Variants in CFAP221 observed in about 807,000 individuals in gnomAD.
The protein encoded by CFAP221 is cilia and flagella associated protein 221.
In CFAP221, 97 loss-of-function variants were observed where a neutral mutation model predicts 113.1. That is an observed-to-expected ratio of 0.86 (90% CI 0.73 to 1.02). The LOEUF (loss-of-function observed/expected upper bound fraction) is 1.02, where lower values mean the gene tolerates loss of function less well. Among genes scored for constraint, CFAP221 ranks in the 50% least tolerant of loss-of-function variants. The pLI is 0.00. For missense variants in CFAP221, 1,025 were observed against 1,013.4 expected, an observed-to-expected ratio of 1.01 and a Z score of -0.16; for synonymous variants, 331 against 354.4, an observed-to-expected ratio of 0.93 and a Z score of 0.74.
intron 22 of CFAP221, among the ~76,000 whole-genome samples, 161 bp from the exon 23 acceptor site, chr2:119,651,813 T>C (rs1688145367): frequency 6.6e-6 from 1 of 152,236 alleles, no homozygotes; most frequent in Non-Finnish European, 1.5e-5. Flanking sequence ...GACAGCAATT[T>C]ATCAGCCTTA....
intron 2 of CFAP221, among the ~76,000 whole-genome samples, chr2:119,548,834 T>C (rs116586247): frequency 0.018 from 2,690 of 152,292 alleles, 31 homozygotes; most frequent in Non-Finnish European, 0.025. Context: ...TTTTACTAGG[T>C]AACAGACAAT....
chr2:119,659,122 G>A (rs1386705959), downstream of CFAP221, among the ~76,000 whole-genome samples: 2 of 152,056 alleles, frequency 1.3e-5, no homozygotes, highest in African/African-American at 4.8e-5. Context: ...ACAGTGAGCA[G>A]CTTAGCTCCC....
intron 7 of CFAP221, among the ~76,000 whole-genome samples, chr2:119,590,449 G>A (rs1239964028): frequency 7.2e-5 from 11 of 152,216 alleles, no homozygotes; most frequent in Non-Finnish European, 1.6e-4. Context: ...TGAGCACAAG[G>A]ACACCAAGCG....
At chr2:119,652,132 G>A (rs1286806428) in intron 23 of CFAP221, 63 bp downstream of exon 23, 2 of 1,299,542 alleles carry the variant, frequency 1.5e-6, no homozygotes, top group Non-Finnish European at 2.2e-6. Flanking sequence ...TCTGCATAAA[G>A]TACAAAAGTG....
intron 7 of CFAP221, among the ~76,000 whole-genome samples, chr2:119,594,711 G>A (rs771600369): frequency 6.6e-6 from 1 of 152,198 alleles, no homozygotes; most frequent in Non-Finnish European, 1.5e-5. Context: ...TGGAAGAAGG[G>A]ATAATAATTT....
intron 7 of CFAP221, 119 bp downstream of exon 7, chr2:119,587,341 T>C (rs1683293483): frequency 3.5e-6 from 2 of 578,906 alleles, no homozygotes; most frequent in Non-Finnish European, 5.5e-6. Context: ...TAAAATGGAA[T>C]TGGACACGTC....
intron 3 of CFAP221, 63 bp downstream of exon 3, chr2:119,549,248 T>C: frequency 7.8e-7 from 1 of 1,277,470 alleles, no homozygotes. Flanking sequence ...GTTCTGAATT[T>C]ATATTATTCA....
rs543764185 is a variant in CFAP221 at position 119,566,965 on chromosome 2, T to C, written c.527+4851T>C. On this transcript the variant is annotated intron_variant, in intron 6 of 23. Coordinates refer to ENST00000413369, the MANE Select transcript of CFAP221 (RefSeq NM_001271049.2). ...TACCATAATAGGGCCTGGAGATTTT[T>C]GAAGACTTTATATTCTTATAGCAGT... 5.4e-4 allele frequency among the ~76,000 whole-genome samples: 83 copies of C among 152,360 alleles called. 1 individual carries two copies. Among genetic ancestry groups the C allele is most frequent in the African/African-American group, 1.4e-3 (57 of 41,586 alleles).
rs2104828255 is a variant in CFAP221 at position 119,656,475 on chromosome 2, C to T, written c.*5C>T. ...ACATACCTGATTCTAGAATGAAAGT[C>T]ACCAGTAGGTCAGTCCCTTCCATTT... On this transcript the variant is annotated 3_prime_UTR_variant, in exon 24 of 24. Coordinates refer to ENST00000413369, the MANE Select transcript of CFAP221 (RefSeq NM_001271049.2). 6.2e-7 allele frequency: 1 copy of T among 1,605,762 alleles called. No individual in the cohort carries two copies. The highest frequency in any genetic ancestry group is 8.5e-7 in the Non-Finnish European group (1 of 1,172,634).
chr2:119,630,687 C>T lies in CFAP221; in HGVS notation c.1839+10C>T. 1.2e-6 allele frequency: 2 copies of T among 1,606,860 alleles called. No individual in the cohort carries two copies. Among genetic ancestry groups the T allele is most frequent in the Non-Finnish European group, 1.7e-6 (2 of 1,173,444 alleles). ...AAAGCAAGGAGCTGAGGTAACACAC[C>T]CCCATCTTCCAGAATCTCTCTCATC... is the stretch of plus-strand genomic sequence containing the variant. On this transcript the variant is annotated intron_variant, in intron 18 of 23. Coordinates refer to ENST00000413369, the MANE Select transcript of CFAP221 (RefSeq NM_001271049.2).
chr2:119,633,510 G>A (rs1463158457), intron 19 of CFAP221, among the ~76,000 whole-genome samples: 1 of 151,520 alleles, frequency 6.6e-6, no homozygotes, highest in Non-Finnish European at 1.5e-5. Context: ...ACTCACAAAG[G>A]AAACAGTCAA....
chr2:119,651,929 T>G, intron 22 of CFAP221, 45 bp from the exon 23 acceptor site: 1 of 1,420,434 alleles, frequency 7.0e-7, no homozygotes, highest in South Asian at 1.3e-5. Context: ...ATTTTTACAC[T>G]GGGAAGGAAA....
At chr2:119,548,985 A>C (rs1008126506) in intron 2 of CFAP221, 100 bp from the exon 3 acceptor site, 8 of 746,030 alleles carry the variant, frequency 1.1e-5, no homozygotes, top group Non-Finnish European at 1.6e-5. Flanking sequence ...CATATGCTTA[A>C]AATGCCCTAA....
At chr2:119,615,522 T>A (rs1209205553) in intron 13 of CFAP221, 89 bp from the exon 14 acceptor site, 1 of 947,004 alleles carries the variant, frequency 1.1e-6, no homozygotes, top group Non-Finnish European at 1.6e-6. Flanking sequence ...CAACTTGATT[T>A]GGGATCAAAC....
intron 3 of CFAP221, among the ~76,000 whole-genome samples, chr2:119,554,574 A>G (rs1680650621): frequency 6.6e-6 from 1 of 152,190 alleles, no homozygotes. Context: ...TTGTTTTTAC[A>G]TCAGTTTACA....
intron 3 of CFAP221, among the ~76,000 whole-genome samples, chr2:119,554,019 A>G (rs1384093366): frequency 1.3e-5 from 2 of 152,214 alleles, no homozygotes; most frequent in African/African-American, 4.8e-5. Flanking sequence ...AAACAAATAG[A>G]TAAAAGTAAA....
chr2:119,651,994 T>A lies in CFAP221; in HGVS notation c.2339T>A (p.Val780Glu). 6.2e-7 allele frequency: 1 copy of A among 1,613,120 alleles called. No individual in the cohort carries two copies. The highest frequency in any genetic ancestry group is 8.5e-7 in the Non-Finnish European group (1 of 1,179,522). The change falls in exon 23 of 24, where the codon GTA (valine) becomes GAA (glutamate). Residue 780 changes from valine to glutamate, a missense_variant. Val to Glu is a moderately radical substitution (Grantham distance 121, BLOSUM62 -2). Coordinates refer to ENST00000413369, the MANE Select transcript of CFAP221 (RefSeq NM_001271049.2). Reference protein sequence around the residue: ...TVERELCEQNVEVMLTPEMIK... With the variant: ...TVERELCEQNEEVMLTPEMIK... ...TGCAGTGAGCTCTGTGAGCAGAATG[T>A]AGAAGTTATGTTGACTCCAGAAATG...
chr2:119,637,322 C>T (rs866876938), intron 19 of CFAP221, among the ~76,000 whole-genome samples: 6 of 152,260 alleles, frequency 3.9e-5, no homozygotes, highest in Non-Finnish European at 8.8e-5. Flanking sequence ...CCTTTCCAGC[C>T]TTCTTGACTC....
intron 14 of CFAP221, among the ~76,000 whole-genome samples, chr2:119,623,169 C>G (rs1686059032): frequency 6.6e-6 from 1 of 152,170 alleles, no homozygotes; most frequent in Non-Finnish European, 1.5e-5. Flanking sequence ...TCAGCAAAGT[C>G]TCAGGATACA....
Sources: allele counts gnomAD v4.1 joint callset (sites outside exome capture counted in the v4.1 genomes callset), GRCh38; gene constraint gnomAD v4.1.1; transcripts MANE v1.5; gene names NCBI Gene and HGNC (gene_info 2026-07-23, HGNC 2026-07-21).